The following MELK variants were observed in gnomAD, a reference collection of about 807,000 sequenced individuals.
MELK encodes the protein pEg3 kinase.
A neutral mutation model predicts 85.0 loss-of-function variants in MELK; 81 were observed. That is an observed-to-expected ratio of 0.95 (90% CI 0.80 to 1.15). The LOEUF is 1.15. Ranked by LOEUF, MELK falls within the 50% of genes most tolerant of loss-of-function variation. MELK has a pLI of 0.00. For synonymous variants in MELK, 252 were observed against 265.0 expected (o/e 0.95, Z 0.48); for missense variants, 754 against 777.5 (o/e 0.97, Z 0.36).
chr9:36,604,228 C>CAA (rs1825233686), intron 7 of MELK, among the ~76,000 whole-genome samples: 1 of 147,800 alleles, frequency 6.8e-6, no homozygotes, highest in African/African-American at 2.5e-5. Context: ...CTCGGCTTCC[C>CAA]AAAGTGTTAG....
At chr9:36,609,141 C>T (rs528371006) in intron 8 of MELK, among the ~76,000 whole-genome samples, 1 of 152,026 alleles carries the variant, frequency 6.6e-6, no homozygotes, top group Non-Finnish European at 1.5e-5. Flanking sequence ...TGGAGAGTGA[C>T]TGCCTGTGAG....
At chr9:36,586,344 G>GAAA (rs202094773) in intron 3 of MELK, among the ~76,000 whole-genome samples, 1 of 99,502 alleles carries the variant, frequency 1.0e-5, no homozygotes, top group Non-Finnish European at 2.1e-5. Context: ...CCTGTCTCCA[G>GAAA]AAAAAAAAAA....
intron 9 of MELK, among the ~76,000 whole-genome samples, chr9:36,631,319 G>T (rs1463180115): frequency 1.3e-5 from 2 of 151,452 alleles, no homozygotes; most frequent in Non-Finnish European, 2.9e-5. Context: ...GTGCAACGGT[G>T]CGATCTTGGC....
At chr9:36,574,430 CAAAAAAAAAA>C (rs78915626) in intron 1 of MELK, among the ~76,000 whole-genome samples, 1 of 79,920 alleles carries the variant, frequency 1.3e-5, no homozygotes, top group Non-Finnish European at 2.9e-5. Context: ...ACTAAAAATA[CAAAAAAAAAA>C]AAAAAAAAAA....
chr9:36,643,770 T>TA (rs1829976739), intron 11 of MELK, among the ~76,000 whole-genome samples: 1 of 151,736 alleles, frequency 6.6e-6, no homozygotes, highest in African/African-American at 2.4e-5. Flanking sequence ...CCGTCTCTAC[T>TA]AAAAATACAA....
At chr9:36,651,982 A>T in intron 12 of MELK, 105 bp downstream of exon 12, 6 of 996,490 alleles carry the variant, frequency 6.0e-6, no homozygotes, top group Non-Finnish European at 6.6e-6. Flanking sequence ...CAGAGGCAAG[A>T]TGTTTTATGA....
rs528100694 is a variant in MELK, at chr9:36,636,820, C to CT, written c.834+3621dup. Among the ~76,000 whole-genome samples the CT allele has an allele frequency of 3.7e-3, 539 of 146,866 alleles. 5 individuals are homozygous for CT. Among genetic ancestry groups the CT allele is most frequent in the African/African-American group, 0.012 (452 of 38,268 alleles). On this transcript the variant is annotated intron_variant, in intron 10 of 17. Transcript: ENST00000298048. ...TCTTTCTTTCTGTCTTTCTTTCTTT[C>CT]TGTCTTTCTTGTCTTTCTTGTCTTT...
At chr9:36,574,430 C>CA (rs78915626) in intron 1 of MELK, among the ~76,000 whole-genome samples, 2,827 of 79,792 alleles carry the variant, frequency 0.035, 38 homozygotes, top group South Asian at 0.059. Context: ...ACTAAAAATA[C>CA]AAAAAAAAAA....
At chr9:36,658,993 T>A (rs1486587457) in intron 13 of MELK, among the ~76,000 whole-genome samples, 1 of 151,808 alleles carries the variant, frequency 6.6e-6, no homozygotes, top group Non-Finnish European at 1.5e-5. Flanking sequence ...GCCATTCTCC[T>A]GCCTCAGCTT....
At chr9:36,646,362 G>A (rs962346047) in intron 11 of MELK, among the ~76,000 whole-genome samples, 13 of 152,174 alleles carry the variant, frequency 8.5e-5, no homozygotes, top group African/African-American at 2.7e-4. Context: ...AGTTCTGTGT[G>A]ATCCATATGC....
chr9:36,586,854 TTTTA>T (rs758814502), intron 3 of MELK, among the ~76,000 whole-genome samples: 2 of 152,130 alleles, frequency 1.3e-5, no homozygotes, highest in Middle Eastern at 6.8e-3. Context: ...ACTTCCATGG[TTTTA>T]TTTATTTATT....
intron 10 of MELK, among the ~76,000 whole-genome samples, chr9:36,640,876 T>C (rs1348423062): frequency 6.6e-6 from 1 of 152,206 alleles, no homozygotes; most frequent in Non-Finnish European, 1.5e-5. Flanking sequence ...AGCGTATGAA[T>C]TGAGGGGAAA....
At chr9:36,592,776 A>G (rs1320687556) in intron 4 of MELK, among the ~76,000 whole-genome samples, 1 of 152,182 alleles carries the variant, frequency 6.6e-6, no homozygotes, top group Admixed American at 6.5e-5. Context: ...AACTTACTGT[A>G]TAACATTAAA....
intron 7 of MELK, among the ~76,000 whole-genome samples, chr9:36,604,890 G>C (rs545797966): frequency 6.6e-6 from 1 of 151,828 alleles, no homozygotes; most frequent in East Asian, 2.0e-4. Flanking sequence ...TGATCTGCCC[G>C]CCTTGGCTTC....
At chr9:36,657,964 A>G (rs539924686) in intron 13 of MELK, among the ~76,000 whole-genome samples, 5 of 152,270 alleles carry the variant, frequency 3.3e-5, no homozygotes, top group African/African-American at 9.6e-5. Flanking sequence ...TTAGTGTGCA[A>G]TTCTATGTGT....
At chr9:36,587,426 C>T (rs534473927) in intron 3 of MELK, among the ~76,000 whole-genome samples, 1 of 151,506 alleles carries the variant, frequency 6.6e-6, no homozygotes, top group African/African-American at 2.4e-5. Context: ...GAGCAATTCT[C>T]CTGCCTCAGC....
intron 7 of MELK, among the ~76,000 whole-genome samples, chr9:36,606,440 A>G (rs975129066): frequency 2.4e-5 from 3 of 126,462 alleles, no homozygotes; most frequent in East Asian, 2.1e-4. Flanking sequence ...ATAGGTGTGT[A>G]TATAATATAT....
chr9:36,576,694 G>A (rs1180676559), intron 1 of MELK, among the ~76,000 whole-genome samples: 1 of 152,026 alleles, frequency 6.6e-6, no homozygotes. Context: ...ACCACGCCCG[G>A]CTAATTTTTG....
At position 36,630,325 on chromosome 9, in the gene MELK, G is replaced by C. The variant is rs770129579; in HGVS notation, c.693G>C (p.Trp231Cys). ...GAGGAAAATATGATGTTCCCAAGTG[G>C]CTCTCTCCCAGTAGCATTCTGCTTC... ...IMRGKYDVPKWLSPSSILLLQ... is the reference protein window; with the variant it reads ...IMRGKYDVPKCLSPSSILLLQ... The change falls in exon 9 of 18, where the codon TGG becomes TGC. Residue 231 changes from tryptophan to cysteine, a missense_variant. Coordinates refer to ENST00000298048, the MANE Select transcript of MELK (RefSeq NM_014791.4). 3 of 1,610,912 alleles carry C rather than the reference G, an allele frequency of 1.9e-6. No individual in the cohort carries two copies. Among genetic ancestry groups the C allele is most frequent in the Non-Finnish European group, 2.5e-6 (3 of 1,178,048 alleles).
Sources: gnomAD v4.1 joint callset for allele counts (sites outside exome capture counted in the v4.1 genomes callset) on GRCh38, gnomAD v4.1.1 for gene constraint, MANE v1.5 for transcripts, NCBI Gene and HGNC (gene_info 2026-07-23, HGNC 2026-07-21) for gene names.